SLC24A4: variants seen among roughly 807,000 people sequenced by gnomAD.
SLC24A4 encodes solute carrier family 24 member 4, also known as sodium/potassium/calcium exchanger 4.
In SLC24A4, 53 loss-of-function variants were observed where a neutral mutation model predicts 79.0. The observed-to-expected ratio is 0.67, with a 90% confidence interval of 0.54 to 0.84. The LOEUF (loss-of-function observed/expected upper bound fraction) is 0.84. Ranked by LOEUF, SLC24A4 falls within the 40% of genes least tolerant of loss-of-function variation. The probability of loss-of-function intolerance (pLI) is 0.00; values close to 1 mark genes in which losing one functional copy is unlikely to be tolerated. For missense variants in SLC24A4, 731 were observed against 822.0 expected (o/e 0.89, Z 1.35); for synonymous variants, 323 against 323.8 (o/e 1.00, Z 0.03).
At chr14:92,484,939 G>T in intron 13 of SLC24A4, 1 of 951,704 alleles carries the variant, frequency 1.1e-6, no homozygotes, top group South Asian at 4.9e-5. Flanking sequence ...TTCTTGTGTC[G>T]AGTTAGTGTT....
At chr14:92,401,031 G>C (rs535920429) in intron 2 of SLC24A4, among the ~76,000 whole-genome samples, 2 of 152,112 alleles carry the variant, frequency 1.3e-5, no homozygotes, top group South Asian at 4.2e-4. Flanking sequence ...TTCATGGAGA[G>C]GGGGGAATAC....
At chr14:92,431,741 G>T (rs998907605) in intron 2 of SLC24A4, among the ~76,000 whole-genome samples, 9 of 152,218 alleles carry the variant, frequency 5.9e-5, no homozygotes, top group Non-Finnish European at 1.5e-5. Flanking sequence ...AAGGCGTGAG[G>T]CTGAACAAGT....
In SLC24A4 at chr14:92,385,371, C is replaced by T. The variant is rs115933378; in HGVS notation, c.242-48541C>T. On this transcript the variant is annotated intron_variant, in intron 2 of 16. Transcript: ENST00000532405. ...AATACAAAAATTAACTGGGCGTGTG[C>T]GTGTAATCTCAGCTGCTCGGGAGGC... 3.8e-3 allele frequency among the ~76,000 whole-genome samples: 574 copies of T among 151,914 alleles called. 4 individuals are homozygous for T. Among genetic ancestry groups the T allele is most frequent in the African/African-American group, 0.013 (550 of 41,412 alleles).
chr14:92,330,537 T>C (rs1885414405), intron 2 of SLC24A4, among the ~76,000 whole-genome samples: 1 of 152,090 alleles, frequency 6.6e-6, no homozygotes, highest in South Asian at 2.1e-4. Flanking sequence ...TAGGAATGAG[T>C]GGCAGTGACT....
At chr14:92,340,219 G>T (rs183938614) in intron 2 of SLC24A4, among the ~76,000 whole-genome samples, 1 of 152,214 alleles carries the variant, frequency 6.6e-6, no homozygotes, top group African/African-American at 2.4e-5. Flanking sequence ...CTGGGTACCC[G>T]TGGGTGGGGT....
rs1369352205 is a variant in SLC24A4 at position 92,482,670 on chromosome 14, C to T, written c.1256-10C>T. The T allele has an allele frequency of 6.2e-7, 1 of 1,604,056 alleles. No homozygotes were observed. Among genetic ancestry groups the T allele is most frequent in the East Asian group, 2.3e-5 (1 of 44,248 alleles). ...CCCCTCCTTTCTCACTCTGCCCCTTCACCCTGCAGAGGCCAGAGGGGACAA... is the reference window on the plus strand; with the variant it reads ...CCCCTCCTTTCTCACTCTGCCCCTTTACCCTGCAGAGGCCAGAGGGGACAA... On this transcript the variant is annotated splice_polypyrimidine_tract_variant and intron_variant, in intron 12 of 16. Transcript: ENST00000532405.
In SLC24A4 at chr14:92,325,863, T is replaced by C; in HGVS notation, c.131-5T>C. 1 of 1,594,504 alleles carries C rather than the reference T, an allele frequency of 6.3e-7. No individual in the cohort carries two copies. Among genetic ancestry groups the C allele is most frequent in the Non-Finnish European group, 8.6e-7 (1 of 1,166,114 alleles). ...ATGGTATCTGTGACTTATTTTCCAA[T>C]CCAGGGCACAAAACAGCTTCTGCTA... On this transcript the variant is annotated splice_region_variant and splice_polypyrimidine_tract_variant and intron_variant, in intron 1 of 16. Coordinates refer to ENST00000532405, the MANE Select transcript of SLC24A4 (RefSeq NM_153646.4).
At chr14:92,408,546 T>C in intron 2 of SLC24A4, 2 of 457,768 alleles carry the variant, frequency 4.4e-6, no homozygotes, top group Non-Finnish European at 5.8e-6. Context: ...CAGGTCTGTG[T>C]GGCTTGGGGA....
intron 3 of SLC24A4, among the ~76,000 whole-genome samples, chr14:92,437,526 G>C (rs1892243296): frequency 6.6e-6 from 1 of 152,222 alleles, no homozygotes; most frequent in Non-Finnish European, 1.5e-5. Flanking sequence ...TTCGTCATGA[G>C]ACAGATGCTG....
At chr14:92,330,029 T>C (rs1004263360) in intron 2 of SLC24A4, among the ~76,000 whole-genome samples, 7 of 151,890 alleles carry the variant, frequency 4.6e-5, no homozygotes, top group Admixed American at 2.6e-4. Context: ...GGCCCAGGAG[T>C]CAATACTTTT....
Position 92,325,951 on chromosome 14 carries a change from C to A in SLC24A4, c.214C>A (p.Gln72Lys). 1 of 1,612,054 alleles carries A rather than the reference C, an allele frequency of 6.2e-7. No homozygotes were observed. The highest frequency in any genetic ancestry group is 8.5e-7 in the Non-Finnish European group (1 of 1,178,674). The change falls in exon 2 of 17, where the codon CAG becomes AAG. Residue 72 changes from glutamine (Q) to lysine (K), a missense_variant. Transcript: ENST00000532405. ...RKLMAPVNGT[Q>K]TAKNCTDPAI... ...GTTGATGGCCCCAGTGAATGGGACA[C>A]AGACAGCCAAGAACTGCACAGATCC...
intron 2 of SLC24A4, among the ~76,000 whole-genome samples, chr14:92,424,911 C>T (rs1056752405): frequency 8.6e-6 from 1 of 116,318 alleles, no homozygotes; most frequent in Non-Finnish European, 1.9e-5. Flanking sequence ...CCAGCTCTTG[C>T]GGGAACTAAT....
chr14:92,405,172 C>T (rs1890310084), intron 2 of SLC24A4, among the ~76,000 whole-genome samples: 3 of 152,168 alleles, frequency 2.0e-5, no homozygotes, highest in Admixed American at 2.0e-4. Flanking sequence ...TCATCTATTG[C>T]AGACCTTTCT....
intron 2 of SLC24A4, among the ~76,000 whole-genome samples, chr14:92,362,351 C>T (rs570058563): frequency 8.5e-5 from 13 of 152,274 alleles, no homozygotes; most frequent in Middle Eastern, 3.4e-3. Flanking sequence ...TTGCTCTAAC[C>T]TCTGTGCTGC....
At chr14:92,459,338 G>A (rs1399807341) in intron 12 of SLC24A4, among the ~76,000 whole-genome samples, 3 of 152,190 alleles carry the variant, frequency 2.0e-5, no homozygotes, top group African/African-American at 4.8e-5. Flanking sequence ...CACTTCCCAG[G>A]GTCAGAGGCT....
At chr14:92,324,941 A>G (rs1885040485) in intron 1 of SLC24A4, among the ~76,000 whole-genome samples, 1 of 152,244 alleles carries the variant, frequency 6.6e-6, no homozygotes, top group African/African-American at 2.4e-5. Flanking sequence ...TTTTCAAAAT[A>G]ACTGCCTTTC....
intron 13 of SLC24A4, among the ~76,000 whole-genome samples, chr14:92,485,728 G>A (rs11623937): frequency 0.19 from 28,485 of 151,958 alleles, 2,849 homozygotes; most frequent in East Asian, 0.31. Context: ...TCAAATTAAT[G>A]AATATGTGAA....
chr14:92,332,649 A>G lies in SLC24A4; in HGVS notation c.241+6671A>G, dbSNP rs866311163. ...CTAATGCCTGATTTATTCAAGGGTC[A>G]AAGGTACCTCCACCTCAGAGGATTG... On this transcript the variant is annotated intron_variant, in intron 2 of 16. Transcript: ENST00000532405. 3.3e-5 allele frequency among the ~76,000 whole-genome samples: 5 copies of G among 152,342 alleles called. 1 individual carries two copies. In the South Asian group the frequency reaches 1.0e-3, roughly 32 times the overall value.
At position 92,493,893 on chromosome 14, in the gene SLC24A4, C is replaced by T. The variant is rs933917573; in HGVS notation, c.*265C>T. 3.3e-5 allele frequency: 16 copies of T among 491,586 alleles called. No homozygotes were observed. The South Asian group carries it at 3.7e-4, about 11-fold the overall frequency. The allele number at this position is 491,586 out of a possible 1,614,324, so 30.5% of individuals were successfully genotyped here. ...CTTCAAAGACCCCTGAGCTGCCAAC[C>T]ACGGAGATGTGCCAAGCATCTCATC... On this transcript the variant is annotated 3_prime_UTR_variant, in exon 17 of 17. Transcript: ENST00000532405.
Sources: allele counts gnomAD v4.1 joint callset (sites outside exome capture counted in the v4.1 genomes callset), GRCh38; gene constraint gnomAD v4.1.1; transcripts MANE v1.5; gene names NCBI Gene and HGNC (gene_info 2026-07-23, HGNC 2026-07-21).